The following CDC42EP4 variants were observed in gnomAD, a reference collection of about 807,000 sequenced individuals.
CDC42EP4 encodes the protein CDC42 effector protein (Rho GTPase binding) 4.
Under a neutral mutation model 5.6 loss-of-function variants are expected in CDC42EP4, and 6 were observed. The ratio of observed to expected loss-of-function variants is 1.07; its 90% CI spans 0.59 to 2.12. The LOEUF is 2.12. CDC42EP4 is among the 30% of genes most tolerant of loss of function. CDC42EP4 has a pLI of 0.00. For synonymous variants in CDC42EP4, 230 were observed against 224.2 expected (o/e 1.03, Z -0.23); for missense variants, 490 against 508.6 (o/e 0.96, Z 0.35).
chr17:73,297,697 C>T (rs965304191), intron 1 of CDC42EP4, among the ~76,000 whole-genome samples: 4 of 151,888 alleles, frequency 2.6e-5, no homozygotes, highest in Non-Finnish European at 4.4e-5. Flanking sequence ...TTTGCTCTAT[C>T]GCCCAGGCTG....
At chr17:73,296,366 C>A (rs566351525) in intron 1 of CDC42EP4, among the ~76,000 whole-genome samples, 2 of 146,196 alleles carry the variant, frequency 1.4e-5, no homozygotes, top group Admixed American at 7.0e-5. Context: ...TGCAGTGAGC[C>A]GAGATCACGC....
At chr17:73,302,087 G>T (rs971821599) in intron 1 of CDC42EP4, among the ~76,000 whole-genome samples, 21 of 152,146 alleles carry the variant, frequency 1.4e-4, no homozygotes, top group Non-Finnish European at 3.1e-4. Flanking sequence ...ACCAGCCTTG[G>T]CCTCCCAAAG....
chr17:73,297,123 A>G (rs900796901), intron 1 of CDC42EP4, among the ~76,000 whole-genome samples: 50 of 150,754 alleles, frequency 3.3e-4, no homozygotes, highest in African/African-American at 1.1e-3. Context: ...GTGAAACCCC[A>G]TCTCTACTAA....
At chr17:73,303,618 T>C (rs927601330) in intron 1 of CDC42EP4, among the ~76,000 whole-genome samples, 4 of 147,094 alleles carry the variant, frequency 2.7e-5, no homozygotes, top group African/African-American at 7.6e-5. Flanking sequence ...GATGAGATCA[T>C]GCCTCTGCAC....
chr17:73,295,779 C>G (rs1278506949), intron 1 of CDC42EP4, among the ~76,000 whole-genome samples: 2 of 151,758 alleles, frequency 1.3e-5, no homozygotes, highest in African/African-American at 2.4e-5. Flanking sequence ...GTGGCGGGTG[C>G]CTGTAATCCC....
At chr17:73,307,143 G>A (rs1206644819) in intron 1 of CDC42EP4, 4 of 152,182 alleles carry the variant, frequency 2.6e-5, no homozygotes, top group African/African-American at 7.2e-5. Context: ...GTGGGGAACT[G>A]TAAGCCTTCA....
chr17:73,286,693 T>A lies in CDC42EP4; in HGVS notation c.-112-81A>T. 1.7e-6 allele frequency: 1 copy of A among 583,150 alleles called. No individual in the cohort carries two copies. The highest frequency in any genetic ancestry group is 3.0e-6 in the Non-Finnish European group (1 of 328,720). 36.1% of individuals were successfully genotyped at this position (583,150 alleles called of 1,614,324 possible). A position where few individuals can be genotyped will look rare whatever the true frequency, so the allele number is the denominator to read the frequency against. On this transcript the variant is annotated intron_variant, in intron 1 of 1. Coordinates refer to ENST00000335793, the MANE Select transcript of CDC42EP4 (RefSeq NM_012121.5). This position sits in a 1 kb window ranked among gnomAD's most constrained non-coding sequence, Gnocchi z 7.7. Reference sequence around the variant, plus strand: ...AAGCCTCTTTGCCAGGGGACTGTCATTTAAACCCCAGCGCTCCTACCAAAG... The same window carrying A: ...AAGCCTCTTTGCCAGGGGACTGTCAATTAAACCCCAGCGCTCCTACCAAAG...
intron 1 of CDC42EP4, among the ~76,000 whole-genome samples, chr17:73,295,906 C>CAAA (rs200176195): frequency 9.8e-6 from 1 of 101,922 alleles, no homozygotes; most frequent in Admixed American, 1.1e-4. Flanking sequence ...ACTCCATCTC[C>CAAA]AAAAAAAAAA....
intron 1 of CDC42EP4, among the ~76,000 whole-genome samples, chr17:73,309,187 A>G (rs2062260752): frequency 6.6e-6 from 1 of 151,172 alleles, no homozygotes; most frequent in African/African-American, 2.4e-5. Flanking sequence ...ACCTCTACAA[A>G]AAATACAAAA....
rs532255620 is a variant in CDC42EP4, at chr17:73,286,063, C to T, written c.438G>A (p.Lys146=). The T allele has an allele frequency of 6.2e-7, 1 of 1,613,998 alleles. No homozygotes were observed. The highest frequency in any genetic ancestry group is 1.3e-5 in the African/African-American group (1 of 75,056). ...CATCGCCGCCCTCCCCGTCATTGGC[C>T]TTCTTCACGGGGCTGGATGACAGGC... ...PKSLSSSPVK[K]ANDGEGGDEE... is the part of the protein sequence containing the mutation. Residue 146 remains lysine, a synonymous_variant, in exon 2 of 2, where the codon AAG becomes AAA. Coordinates refer to ENST00000335793, the MANE Select transcript of CDC42EP4 (RefSeq NM_012121.5). This position sits in a 1 kb window ranked among gnomAD's most constrained non-coding sequence, Gnocchi z 7.7.
intron 1 of CDC42EP4, among the ~76,000 whole-genome samples, chr17:73,299,583 C>T (rs545828709): frequency 7.7e-4 from 117 of 152,190 alleles, no homozygotes; most frequent in African/African-American, 2.1e-3. Flanking sequence ...GGATTACAAG[C>T]ACGAACCGTT....
chr17:73,306,546 A>G (rs186914771), intron 1 of CDC42EP4, among the ~76,000 whole-genome samples: 10 of 152,314 alleles, frequency 6.6e-5, no homozygotes, highest in East Asian at 1.9e-4. Flanking sequence ...TCAACCCCCA[A>G]TAAAATATAA....
intron 1 of CDC42EP4, among the ~76,000 whole-genome samples, chr17:73,289,501 G>A (rs1333937365): frequency 1.3e-5 from 2 of 151,018 alleles, no homozygotes; most frequent in Admixed American, 6.6e-5. Context: ...TTGACCCCAC[G>A]CATCCTCATG....
In CDC42EP4 at chr17:73,285,755, A is replaced by T. The variant is rs1599427547; in HGVS notation, c.746T>A (p.Ile249Asn). ...YHGDEGAAGT[I>N]TQAPPYAVAA... ...CACGGCGTACGGGGGAGCCTGGGTG[A>T]TGGTGCCAGCGGCGCCCTCATCGCC... is the stretch of plus-strand genomic sequence containing the variant. Residue 249 changes from isoleucine (I) to asparagine (N), a missense_variant, in exon 2 of 2, where the codon ATC (isoleucine) becomes AAC (asparagine). Coordinates refer to ENST00000335793, the MANE Select transcript of CDC42EP4 (RefSeq NM_012121.5). The surrounding 1 kb of genome is among the most constrained non-coding windows in gnomAD (Gnocchi z 6.8). 9 of 1,591,824 alleles carry T rather than the reference A, an allele frequency of 5.7e-6. No homozygotes were observed. In the East Asian group the frequency reaches 2.0e-4, roughly 36 times the overall value.
rs538288179 is a variant in CDC42EP4 at position 73,296,951 on chromosome 17, G to A, written c.-112-10339C>T. Among the ~76,000 whole-genome samples, 609 of 109,182 alleles carry A rather than the reference G, an allele frequency of 5.6e-3. 3 individuals are homozygous for A. The Middle Eastern group carries it at 0.081, about 15-fold the overall frequency. The allele number at this position is 109,182 out of a possible 152,430, so 71.6% of individuals were successfully genotyped here. A position where few individuals can be genotyped will look rare whatever the true frequency, so the allele number is the denominator to read the frequency against. On this transcript the variant is annotated intron_variant, in intron 1 of 1. Transcript: ENST00000335793. ...AGCCGAGATAGCGCCACTGCAGTCT[G>A]GCCTGGGCGAAAGAGCAAGACTCCG...
In CDC42EP4 at chr17:73,285,408, C is replaced by G; in HGVS notation, c.*22G>C. ...GGGAGAAGATGCAGCCAAGAGCTCC[C>G]GGTGGCCACCCACTGTCCGCCTCAC... On this transcript the variant is annotated 3_prime_UTR_variant, in exon 2 of 2. Transcript: ENST00000335793. This position sits in a 1 kb window ranked among gnomAD's most constrained non-coding sequence, Gnocchi z 6.8. 1 of 1,526,288 alleles carries G rather than the reference C, an allele frequency of 6.6e-7. No individual in the cohort carries two copies. The allele number at this position is 1,526,288 out of a possible 1,614,324, so 94.5% of individuals were successfully genotyped here.
In CDC42EP4 at chr17:73,285,726, C is replaced by A; in HGVS notation, c.775G>T (p.Ala259Ser). The A allele has an allele frequency of 1.3e-6, 2 of 1,575,078 alleles. No individual in the cohort carries two copies. The highest frequency in any genetic ancestry group is 1.7e-5 in the Admixed American group (1 of 57,960). ...CCTTCCTGCCTTGCCAGGGGAGGGGCCGCCACGGCGTACGGGGGAGCCTGG... is the reference window on the plus strand; with the variant it reads ...CCTTCCTGCCTTGCCAGGGGAGGGGACGCCACGGCGTACGGGGGAGCCTGG... ...ITQAPPYAVAAPPLARQEGKA... is the reference protein window; with the variant it reads ...ITQAPPYAVASPPLARQEGKA... Residue 259 changes from alanine to serine, a missense_variant, in exon 2 of 2, where the codon GCC (alanine) becomes TCC (serine). Physicochemically the swap from Ala to Ser is moderately conservative, Grantham distance 99. Transcript: ENST00000335793. This position sits in a 1 kb window ranked among gnomAD's most constrained non-coding sequence, Gnocchi z 6.8.
chr17:73,290,009 G>A (rs1007706857), intron 1 of CDC42EP4, among the ~76,000 whole-genome samples: 1 of 152,136 alleles, frequency 6.6e-6, no homozygotes, highest in Non-Finnish European at 1.5e-5. Context: ...CTCGTTCCTG[G>A]CAAATCCTTC....
At position 73,285,361 on chromosome 17, in the gene CDC42EP4, A is replaced by T; in HGVS notation, c.*69T>A. ...GGCTGCCCCTGCGCCGTAGGGTCAAAGGTCATAGTGGGGTGGGGGCAGGGA... is the reference window on the plus strand; with the variant it reads ...GGCTGCCCCTGCGCCGTAGGGTCAATGGTCATAGTGGGGTGGGGGCAGGGA... On this transcript the variant is annotated 3_prime_UTR_variant, in exon 2 of 2. Transcript: ENST00000335793. This position sits in a 1 kb window ranked among gnomAD's most constrained non-coding sequence, Gnocchi z 6.8. 7.8e-7 allele frequency: 1 copy of T among 1,287,786 alleles called. No individual in the cohort carries two copies. The highest frequency in any genetic ancestry group is 1.1e-6 in the Non-Finnish European group (1 of 925,506). The allele number at this position is 1,287,786 out of a possible 1,614,324, so 79.8% of individuals were successfully genotyped here. A position where few individuals can be genotyped will look rare whatever the true frequency, so the allele number is the denominator to read the frequency against.
Sources: gnomAD v4.1 joint callset for allele counts (sites outside exome capture counted in the v4.1 genomes callset) on GRCh38, gnomAD v4.1.1 for gene constraint, Gnocchi (gnomAD v3.1) non-coding constraint, MANE v1.5 for transcripts, NCBI Gene and HGNC (gene_info 2026-07-23, HGNC 2026-07-21) for gene names.